SYNE1: variants seen among roughly 807,000 people sequenced by gnomAD.
SYNE1 encodes spectrin repeat containing nuclear envelope protein 1.
In SYNE1, 616 loss-of-function variants were observed where a neutral mutation model predicts 1,111.0. The ratio of observed to expected loss-of-function variants is 0.55; its 90% CI spans 0.52 to 0.59. The LOEUF is 0.59. Among genes scored for constraint, SYNE1 ranks in the 20% least tolerant of loss-of-function variants. The pLI is 0.00. For missense variants in SYNE1, 10,006 were observed against 10,417.0 expected (o/e 0.96, Z 1.72); for synonymous variants, 3,855 against 3,825.8 (o/e 1.01, Z -0.28).
At chr6:152,187,155 A>G (rs2813520) in intron 128 of SYNE1, among the ~76,000 whole-genome samples, 9,532 of 152,260 alleles carry the variant, frequency 0.063, 469 homozygotes, top group African/African-American at 0.14. Flanking sequence ...ACATGTTGGT[A>G]AAAGCCATCT....
intron 49 of SYNE1, 132 bp downstream of exon 49, chr6:152,398,487 A>T: frequency 1.3e-6 from 1 of 759,324 alleles, no homozygotes. Context: ...TTCTGACTCA[A>T]TCAGCCTAAT....
chr6:152,124,753 C>T (rs1414536895), intron 145 of SYNE1, among the ~76,000 whole-genome samples: 2 of 151,856 alleles, frequency 1.3e-5, no homozygotes, highest in Admixed American at 1.3e-4. Context: ...TGTCATATAC[C>T]TTATTAATGG....
rs943903359 is a variant in SYNE1, at chr6:152,254,998, C to T, written c.19352G>A (p.Arg6451Gln). The T allele has an allele frequency of 9.3e-6, 15 of 1,613,738 alleles. No homozygotes were observed. Among genetic ancestry groups the T allele is most frequent in the Non-Finnish European group, 1.2e-5 (14 of 1,179,882 alleles). Reference sequence around the variant, plus strand: ...ACCCAAAGTATCTTCAATAACATCTCGATTATCACCATTCTCTGGAAAAGC... The same window carrying T: ...ACCCAAAGTATCTTCAATAACATCTTGATTATCACCATTCTCTGGAAAAGC... Reference protein sequence around the residue: ...SQAFPENGDNRDVIEDTLGCL... With the variant: ...SQAFPENGDNQDVIEDTLGCL... The change falls in exon 104 of 146, where the codon CGA becomes CAA. Residue 6451 changes from arginine to glutamine, a missense_variant. Arg to Gln is a conservative substitution (Grantham distance 43, BLOSUM62 1). Coordinates refer to ENST00000367255, the MANE Select transcript of SYNE1 (RefSeq NM_182961.4).
intron 6 of SYNE1, 98 bp downstream of exon 6, chr6:152,520,361 G>T: frequency 8.9e-7 from 1 of 1,119,010 alleles, no homozygotes; most frequent in Non-Finnish European, 1.3e-6. Context: ...TAGATTACAT[G>T]CCATCCTCCT....
intron 2 of SYNE1, 140 bp downstream of exon 2, chr6:152,636,498 C>G (rs2099706138): frequency 6.5e-6 from 1 of 152,840 alleles, no homozygotes; most frequent in Admixed American, 6.5e-5. Context: ...GCCACCACCC[C>G]CTCCCATCAA....
At chr6:152,332,021 A>T (rs2096259608) in intron 77 of SYNE1, 131 bp from the exon 78 acceptor site, 1 of 1,323,454 alleles carries the variant, frequency 7.6e-7, no homozygotes, top group Admixed American at 1.8e-5. Flanking sequence ...CCCAGGCTGG[A>T]GTGCAATGAA....
At chr6:152,212,762 G>A (rs1220988800) in intron 123 of SYNE1, among the ~76,000 whole-genome samples, 1 of 152,038 alleles carries the variant, frequency 6.6e-6, no homozygotes, top group Non-Finnish European at 1.5e-5. Context: ...ATGTATTAGG[G>A]TTCCAATTCC....
chr6:152,346,394 T>C (rs552268724), intron 73 of SYNE1, among the ~76,000 whole-genome samples: 48 of 152,178 alleles, frequency 3.2e-4, no homozygotes, highest in African/African-American at 1.1e-3. Flanking sequence ...CTCAAGCTCC[T>C]GACCTCAAGT....
At chr6:152,302,312 G>A in intron 91 of SYNE1, 1 of 585,076 alleles carries the variant, frequency 1.7e-6, no homozygotes. Flanking sequence ...GGAGAAATGA[G>A]GGGATGAGGC....
intron 93 of SYNE1, among the ~76,000 whole-genome samples, chr6:152,296,514 C>G (rs1205819750): frequency 6.6e-6 from 1 of 152,220 alleles, no homozygotes; most frequent in Non-Finnish European, 1.5e-5. Context: ...TCTCCTCCCC[C>G]TTAACATCCA....
At position 152,442,173 on chromosome 6, in the gene SYNE1, C is replaced by G. The variant is rs1349777505; in HGVS notation, c.3910G>C (p.Gly1304Arg). 7 of 1,613,804 alleles carry G rather than the reference C, an allele frequency of 4.3e-6. No individual in the cohort carries two copies. The highest frequency in any genetic ancestry group is 1.1e-5 in the South Asian group (1 of 91,088). ...QQIAQAQQGE[G>R]GLPDRGHEEL... ...TCGTGGCCTCGGTCAGGCAGCCCCC[C>G]TTCTCCCTGCTGCGCCTGCGCGATC... The change falls in exon 31 of 146, where the codon GGG (glycine) becomes CGG (arginine). Residue 1304 changes from glycine to arginine, a missense_variant. By Grantham distance (125) the Gly-to-Arg change is moderately radical. Transcript: ENST00000367255.
chr6:152,341,874 C>T (rs1590565773), intron 74 of SYNE1, among the ~76,000 whole-genome samples: 2 of 152,254 alleles, frequency 1.3e-5, no homozygotes, highest in Non-Finnish European at 2.9e-5. Flanking sequence ...ACCTGCTGTA[C>T]ATGGTTTTGC....
intron 58 of SYNE1, among the ~76,000 whole-genome samples, chr6:152,373,891 C>T (rs1482870408): frequency 6.6e-6 from 1 of 152,126 alleles, no homozygotes; most frequent in Non-Finnish European, 1.5e-5. Context: ...ATGATTTTGG[C>T]TCTGAGGATC....
intron 29 of SYNE1, among the ~76,000 whole-genome samples, chr6:152,445,671 T>G (rs1040719736): frequency 3.0e-4 from 45 of 152,252 alleles, no homozygotes; most frequent in African/African-American, 9.6e-4. Context: ...AGAGCAAATC[T>G]ATTGAAATAA....
At chr6:152,407,379 G>T (rs1456632700) in intron 44 of SYNE1, among the ~76,000 whole-genome samples, 183 bp from the exon 45 acceptor site, 1 of 152,170 alleles carries the variant, frequency 6.6e-6, no homozygotes, top group Non-Finnish European at 1.5e-5. Context: ...TACATAGATT[G>T]CTTCTGTCAT....
chr6:152,442,668 C>T (rs1231668228), intron 30 of SYNE1, among the ~76,000 whole-genome samples: 4 of 152,130 alleles, frequency 2.6e-5, no homozygotes, highest in South Asian at 2.1e-4. Context: ...TGGCCAGGGG[C>T]GGTGCAGTGG....
In SYNE1 at chr6:152,261,949, A is replaced by G. The variant is rs752333476; in HGVS notation, c.18972+83T>C. The G allele has an allele frequency of 9.2e-5, 107 of 1,159,872 alleles. 1 individual carries two copies. Among genetic ancestry groups the G allele is most frequent in the Non-Finnish European group, 1.2e-4 (101 of 851,162 alleles). The allele number at this position is 1,159,872 out of a possible 1,614,324, so 71.8% of individuals were successfully genotyped here. On this transcript the variant is annotated intron_variant, in intron 101 of 145. Coordinates refer to ENST00000367255, the MANE Select transcript of SYNE1 (RefSeq NM_182961.4). ...TAGTTTGAAATTGATCATGAAAATT[A>G]AGTTGATTGCACAGTTATAATCCCT...
chr6:152,132,484 AT>A, intron 143 of SYNE1, among the ~76,000 whole-genome samples: 1 of 152,268 alleles, frequency 6.6e-6, no homozygotes, highest in South Asian at 2.1e-4. Flanking sequence ...TAGCTTTATT[AT>A]TTCTTGGAGA....
chr6:152,213,582 A>G (rs1450180746), intron 123 of SYNE1, 30 bp downstream of exon 123: 1 of 1,613,640 alleles, frequency 6.2e-7, no homozygotes, highest in Non-Finnish European at 8.5e-7. Flanking sequence ...AAAATTTCTT[A>G]TTACCCCCAA....
Sources: allele counts gnomAD v4.1 joint callset (sites outside exome capture counted in the v4.1 genomes callset), GRCh38; gene constraint gnomAD v4.1.1; transcripts MANE v1.5; gene names NCBI Gene and HGNC (gene_info 2026-07-23, HGNC 2026-07-21).